The following SIM1 variants were observed in gnomAD, a reference collection of about 807,000 sequenced individuals.
The protein encoded by SIM1 is SIM bHLH transcription factor 1.
A neutral mutation model predicts 78.2 loss-of-function variants in SIM1; 18 were observed. The observed-to-expected ratio is 0.23, with a 90% CI of 0.16 to 0.34. The LOEUF is 0.34. Among genes scored for constraint, SIM1 ranks in the 10% least tolerant of loss-of-function variants. The pLI is 1.00. For synonymous variants in SIM1, 417 were observed against 385.2 expected (o/e 1.08, Z -0.97); for missense variants, 939 against 975.1 (o/e 0.96, Z 0.49).
At chr6:100,464,181 A>G (rs1161416258) in intron 1 of SIM1, among the ~76,000 whole-genome samples, 1 of 152,112 alleles carries the variant, frequency 6.6e-6, no homozygotes, top group Non-Finnish European at 1.5e-5. Context: ...AACAAAATAC[A>G]TATTTCTGAA....
In SIM1 at chr6:100,393,758, C is replaced by T. The variant is rs1464027374; in HGVS notation, c.1299G>A (p.Ser433=). The stretch of plus-strand genomic sequence containing the variant: ...GGTCCGAAAACTGTCTGTAGGCGCA[C>T]GATGCGTCGTGCTGGGAGCCAGGCC... The part of the protein sequence containing the change: ...ADRPGSQHDA[S]CAYRQFSDRS... The change falls in exon 11 of 12, where the codon TCG becomes TCA. Residue 433 remains serine (S), a synonymous_variant. Transcript: ENST00000369208. 5.0e-6 allele frequency: 8 copies of T among 1,614,104 alleles called. No homozygotes were observed. In the African/African-American group the frequency reaches 5.3e-5, roughly 11 times the overall value.
intron 2 of SIM1, among the ~76,000 whole-genome samples, chr6:100,458,700 C>A (rs73760894): frequency 0.016 from 2,449 of 152,262 alleles, 65 homozygotes; most frequent in African/African-American, 0.056. Flanking sequence ...GTGCTTCGGG[C>A]GGTGCGGGAG....
chr6:100,444,819 T>G (rs1236850513), intron 9 of SIM1, among the ~76,000 whole-genome samples: 2 of 152,146 alleles, frequency 1.3e-5, no homozygotes, highest in Non-Finnish European at 2.9e-5. Context: ...GAATGTTGCC[T>G]CCACCAAAAC....
At chr6:100,393,226 C>T (rs1225398999) in intron 11 of SIM1, among the ~76,000 whole-genome samples, 8 of 152,154 alleles carry the variant, frequency 5.3e-5, no homozygotes, top group African/African-American at 1.7e-4. Context: ...ATTCAATAGA[C>T]ATATTCAATA....
intron 10 of SIM1, among the ~76,000 whole-genome samples, chr6:100,409,876 T>C (rs1258052016): frequency 6.6e-6 from 1 of 152,318 alleles, no homozygotes; most frequent in Admixed American, 6.5e-5. Context: ...CATACAACTT[T>C]TGTCAGAAAA....
chr6:100,412,597 A>AAG (rs1491530734), intron 10 of SIM1, among the ~76,000 whole-genome samples: 1 of 111,374 alleles, frequency 9.0e-6, no homozygotes, highest in African/African-American at 3.1e-5. Flanking sequence ...GAAAGAAAGA[A>AAG]AGAAAGAAAG....
chr6:100,409,672 T>C (rs923566634), intron 10 of SIM1, among the ~76,000 whole-genome samples: 5 of 152,164 alleles, frequency 3.3e-5, no homozygotes, highest in Non-Finnish European at 5.9e-5. Context: ...TAAGTGTTTA[T>C]ACACTTTCCT....
chr6:100,435,481 C>T (rs777271528), intron 9 of SIM1, among the ~76,000 whole-genome samples: 1 of 152,090 alleles, frequency 6.6e-6, no homozygotes, highest in Non-Finnish European at 1.5e-5. Context: ...TGGCCTCTCA[C>T]ACAAAGCAGC....
At chr6:100,404,194 G>A (rs1001544950) in intron 10 of SIM1, among the ~76,000 whole-genome samples, 1 of 152,132 alleles carries the variant, frequency 6.6e-6, no homozygotes, top group Non-Finnish European at 1.5e-5. Context: ...TTTGATTACG[G>A]TCGTTAAGAT....
chr6:100,435,492 C>T (rs552807603), intron 9 of SIM1, among the ~76,000 whole-genome samples: 13 of 152,184 alleles, frequency 8.5e-5, no homozygotes, highest in East Asian at 1.9e-4. Context: ...ACAAAGCAGC[C>T]GCCCTTCAGA....
At chr6:100,450,843 C>T (rs370355989) in intron 3 of SIM1, among the ~76,000 whole-genome samples, 1 of 152,130 alleles carries the variant, frequency 6.6e-6, no homozygotes, top group Middle Eastern at 3.4e-3. Flanking sequence ...GAAGGGCTGG[C>T]AGTCAAAAGT....
At chr6:100,409,608 A>G (rs985331658) in intron 10 of SIM1, among the ~76,000 whole-genome samples, 1 of 152,044 alleles carries the variant, frequency 6.6e-6, no homozygotes, top group Non-Finnish European at 1.5e-5. Flanking sequence ...TTTACCTTAT[A>G]GTTCCTTTAG....
Position 100,389,368 on chromosome 6 carries a change from T to C in SIM1, c.*993A>G, listed in dbSNP as rs777926914. The C allele has an allele frequency of 2.7e-6, 1 of 370,950 alleles. No individual in the cohort carries two copies. 23.0% of individuals were successfully genotyped at this position (370,950 alleles called of 1,614,324 possible). ...TGTGCTTTGAAACGTTTTCAAACACTTAACACTGCTGTCATGTGGCACTTC... is the reference window on the plus strand; with the variant it reads ...TGTGCTTTGAAACGTTTTCAAACACCTAACACTGCTGTCATGTGGCACTTC... On this transcript the variant is annotated 3_prime_UTR_variant, in exon 12 of 12. Coordinates refer to ENST00000369208, the MANE Select transcript of SIM1 (RefSeq NM_005068.3).
intron 9 of SIM1, among the ~76,000 whole-genome samples, chr6:100,438,092 C>A (rs1312843407): frequency 6.6e-6 from 1 of 151,764 alleles, no homozygotes; most frequent in East Asian, 1.9e-4. Flanking sequence ...GCAAATGCAA[C>A]AAAAATGAAA....
In SIM1 at chr6:100,423,490, A is replaced by G. The variant is rs1249472919; in HGVS notation, c.999-2532T>C. On this transcript the variant is annotated intron_variant, in intron 9 of 11. Coordinates refer to ENST00000369208, the MANE Select transcript of SIM1 (RefSeq NM_005068.3). ...CAGTTCCTGAGTATTTTGGGGAAGG[A>G]ACAAGAACTATCCTTTTCCACCTCT... 7.2e-4 allele frequency among the ~76,000 whole-genome samples: 110 copies of G among 152,288 alleles called. 1 individual carries two copies. Among genetic ancestry groups the G allele is most frequent in the Non-Finnish European group, 2.9e-5 (2 of 68,028 alleles).
chr6:100,464,508 C>G (rs973581223), intron 1 of SIM1, 106 bp downstream of exon 1: 2 of 152,180 alleles, frequency 1.3e-5, no homozygotes, highest in African/African-American at 4.8e-5. Flanking sequence ...CTCGCGACAG[C>G]CCCTCGCAGG....
intron 2 of SIM1, among the ~76,000 whole-genome samples, chr6:100,458,706 G>A (rs566004179): frequency 6.6e-6 from 1 of 152,242 alleles, no homozygotes; most frequent in South Asian, 2.1e-4. Flanking sequence ...CGGGCGGTGC[G>A]GGAGGCGCGA....
At chr6:100,420,644 G>T (rs1771552127) in intron 10 of SIM1, 146 bp downstream of exon 10, 1 of 748,428 alleles carries the variant, frequency 1.3e-6, no homozygotes, top group Non-Finnish European at 2.2e-6. Context: ...AAAGGAGGCA[G>T]ATAGTTTAGA....
At chr6:100,453,700 A>T in intron 3 of SIM1, 62 bp downstream of exon 3, 1 of 1,236,798 alleles carries the variant, frequency 8.1e-7, no homozygotes, top group East Asian at 2.6e-5. Context: ...TAAAAGCTCA[A>T]CTCAGGGCCA....
Sources: gnomAD v4.1 joint callset for allele counts (sites outside exome capture counted in the v4.1 genomes callset) on GRCh38, gnomAD v4.1.1 for gene constraint, MANE v1.5 for transcripts, NCBI Gene and HGNC (gene_info 2026-07-23, HGNC 2026-07-21) for gene names.